The following FAAH2 variants were observed in gnomAD, a reference collection of about 807,000 sequenced individuals.
The protein encoded by FAAH2 is fatty acid amide hydrolase 2.
FAAH2 carries 60 observed loss-of-function variants against 36.9 expected under a neutral mutation model. The observed-to-expected ratio is 1.63, with a 90% CI of 1.32 to 2.02. The LOEUF (loss-of-function observed/expected upper bound fraction) is 2.02. Among genes scored for constraint, FAAH2 ranks in the 30% most tolerant of loss-of-function variants. FAAH2 has a pLI of 0.00. For synonymous variants in FAAH2, 214 were observed against 143.8 expected, an observed-to-expected ratio of 1.49 and a Z score of -3.49; for missense variants, 689 against 397.5, an observed-to-expected ratio of 1.73 and a Z score of -6.23.
At chrX:57,184,863 A>T in the FAAH2 span, among the ~76,000 whole-genome samples, 1 of 112,210 alleles carries the variant, frequency 8.9e-6, no homozygotes, top group Admixed American at 9.5e-5. Flanking sequence ...CAGAAAGAAT[A>T]TCTTTGTTTA....
chrX:57,230,128 CA>C, the FAAH2 span, among the ~76,000 whole-genome samples: 1 of 112,003 alleles, frequency 8.9e-6, no homozygotes, highest in African/African-American at 3.2e-5. Context: ...CCTAGTCACC[CA>C]AATTTGTGCT....
chrX:57,394,735 T>C, intron 7 of FAAH2: 1 of 874,163 alleles, frequency 1.1e-6, no homozygotes, highest in Non-Finnish European at 1.7e-6. Context: ...TATTGCTAGG[T>C]TTGATCCATT....
intron 7 of FAAH2, chrX:57,393,372 G>A: frequency 1.4e-6 from 1 of 725,774 alleles, no homozygotes; most frequent in East Asian, 3.2e-5. Context: ...ACCACGTGAG[G>A]GTGGAGACCG....
At chrX:57,362,411 T>C in intron 5 of FAAH2, among the ~76,000 whole-genome samples, 1 of 110,565 alleles carries the variant, frequency 9.0e-6, no homozygotes, top group East Asian at 2.9e-4. Flanking sequence ...AGATGACGGG[T>C]TGATGGGTGC....
chrX:57,267,421 C>T, the FAAH2 span, among the ~76,000 whole-genome samples: 3 of 112,719 alleles, frequency 2.7e-5, no homozygotes, highest in East Asian at 5.6e-4. Context: ...ATCACGCATG[C>T]TTGTGGGGCA....
At chrX:57,479,220 A>G (rs1197312483) in intron 10 of FAAH2, among the ~76,000 whole-genome samples, 1 of 110,852 alleles carries the variant, frequency 9.0e-6, no homozygotes, top group Non-Finnish European at 1.9e-5. Flanking sequence ...TGTAAGTTGG[A>G]TTCTTAGGTA....
intron 10 of FAAH2, among the ~76,000 whole-genome samples, chrX:57,470,736 A>T (rs981223438): frequency 9.0e-6 from 1 of 111,714 alleles, no homozygotes; most frequent in African/African-American, 3.3e-5. Flanking sequence ...AATCCTCCCT[A>T]ACTCATTTTA....
At chrX:57,325,413 G>A (rs2053183904) in intron 3 of FAAH2, among the ~76,000 whole-genome samples, 1 of 111,560 alleles carries the variant, frequency 9.0e-6, no homozygotes, top group African/African-American at 3.3e-5. Context: ...CAGAAGGAGT[G>A]GTACCAGCTC....
chrX:57,393,651 G>T, intron 7 of FAAH2: 1 of 963,410 alleles, frequency 1.0e-6, no homozygotes, highest in Admixed American at 2.2e-5. Context: ...GCACTGACGG[G>T]GTCTCCTTTC....
intron 3 of FAAH2, among the ~76,000 whole-genome samples, chrX:57,320,880 T>A (rs1352618690): frequency 8.9e-6 from 1 of 112,382 alleles, no homozygotes; most frequent in African/African-American, 3.2e-5. Context: ...GGCTCACGCC[T>A]GTAATCCCAC....
At chrX:57,475,327 G>T (rs1050417431) in intron 10 of FAAH2, among the ~76,000 whole-genome samples, 1 of 111,787 alleles carries the variant, frequency 8.9e-6, no homozygotes, top group Non-Finnish European at 1.9e-5. Flanking sequence ...ATGGTTTTGG[G>T]TTTTACATTT....
chrX:57,223,717 G>T, the FAAH2 span, among the ~76,000 whole-genome samples: 16 of 111,714 alleles, frequency 1.4e-4, no homozygotes, highest in Non-Finnish European at 1.9e-4. Flanking sequence ...ACTTTCTCCA[G>T]GTAGATAAAA....
chrX:57,247,112 T>A, the FAAH2 span, among the ~76,000 whole-genome samples: 1 of 111,765 alleles, frequency 8.9e-6, no homozygotes, highest in South Asian at 3.7e-4. Flanking sequence ...TAGCAGGCCA[T>A]GCTTGACATA....
At chrX:57,472,917 T>C (rs2057195851) in intron 10 of FAAH2, among the ~76,000 whole-genome samples, 1 of 111,432 alleles carries the variant, frequency 9.0e-6, no homozygotes, top group Admixed American at 9.6e-5. Context: ...TCTCTGCTTC[T>C]TTTTTGTTTT....
chrX:57,476,555 A>G (rs2057272799), intron 10 of FAAH2, among the ~76,000 whole-genome samples: 2 of 110,995 alleles, frequency 1.8e-5, no homozygotes, highest in South Asian at 7.6e-4. Flanking sequence ...CATGGTTTAT[A>G]AGCTTTTTGA....
intron 10 of FAAH2, among the ~76,000 whole-genome samples, chrX:57,450,224 A>T (rs1451235990): frequency 2.7e-5 from 3 of 109,791 alleles, no homozygotes; most frequent in Non-Finnish European, 3.8e-5. Context: ...ATTCTAGGTA[A>T]TATGGATACA....
chrX:57,123,824 T>C, the FAAH2 span, among the ~76,000 whole-genome samples: 1 of 112,424 alleles, frequency 8.9e-6, no homozygotes, highest in Non-Finnish European at 1.9e-5. Flanking sequence ...TCTGTTCATA[T>C]CCTTTGCCCA....
At chrX:57,324,606 T>C (rs2053150828) in intron 3 of FAAH2, among the ~76,000 whole-genome samples, 1 of 112,061 alleles carries the variant, frequency 8.9e-6, no homozygotes, top group Non-Finnish European at 1.9e-5. Context: ...GAAGCAATTG[T>C]GAATGGGAGT....
intron 7 of FAAH2, among the ~76,000 whole-genome samples, chrX:57,404,682 G>A (rs781766008): frequency 8.1e-5 from 9 of 111,640 alleles, no homozygotes; most frequent in Non-Finnish European, 1.7e-4. Flanking sequence ...GTAATACTTG[G>A]GAGAGGAAGT....
Sources: allele counts gnomAD v4.1 joint callset (sites outside exome capture counted in the v4.1 genomes callset), GRCh38; gene constraint gnomAD v4.1.1; transcripts MANE v1.5; gene names NCBI Gene and HGNC (gene_info 2026-07-23, HGNC 2026-07-21).